The following EPYC variants were observed in gnomAD, a reference collection of about 807,000 sequenced individuals.
EPYC encodes dermatan sulfate proteoglycan 3.
Under a neutral mutation model 30.1 loss-of-function variants are expected in EPYC, and 28 were observed. That is an observed-to-expected ratio of 0.93 (90% CI 0.69 to 1.28). The LOEUF (loss-of-function observed/expected upper bound fraction) is 1.28, where lower values mean the gene tolerates loss of function less well. EPYC is among the 50% of genes most tolerant of loss of function. The pLI, the probability that EPYC is intolerant of heterozygous loss-of-function variation, is 0.00. For synonymous variants in EPYC, 144 were observed against 141.4 expected (o/e 1.02, Z -0.13); for missense variants, 382 against 383.5 (o/e 1.00, Z 0.03).
chr12:90,972,528 T>C, intron 4 of EPYC: 1 of 210,360 alleles, frequency 4.8e-6, no homozygotes, highest in Admixed American at 5.6e-5. Context: ...ACTCATAATG[T>C]CATAATATGA....
At chr12:91,000,023 G>A (rs989392825) in intron 2 of EPYC, among the ~76,000 whole-genome samples, 7 of 151,922 alleles carry the variant, frequency 4.6e-5, no homozygotes, top group Middle Eastern at 3.2e-3. Flanking sequence ...TATTTTAAGT[G>A]CATTAGAGTT....
intron 2 of EPYC, among the ~76,000 whole-genome samples, chr12:90,981,390 T>G (rs755686309): frequency 6.6e-6 from 1 of 152,172 alleles, no homozygotes; most frequent in Non-Finnish European, 1.5e-5. Flanking sequence ...ATTACATTTA[T>G]TGTATCAGAT....
chr12:90,996,982 A>G (rs1036683870), intron 2 of EPYC, among the ~76,000 whole-genome samples: 23 of 152,074 alleles, frequency 1.5e-4, no homozygotes, highest in Non-Finnish European at 3.1e-4. Context: ...AGACTGAGAC[A>G]AAAATTGGGC....
chr12:91,001,761 T>C (rs963848364), intron 2 of EPYC, among the ~76,000 whole-genome samples: 1 of 152,144 alleles, frequency 6.6e-6, no homozygotes, highest in African/African-American at 2.4e-5. Flanking sequence ...TTCCACATCA[T>C]TGCGTGCATA....
rs536515069 is a variant in EPYC at position 90,966,530 on chromosome 12, G to A, written c.799-2204C>T. On this transcript the variant is annotated intron_variant, in intron 6 of 6. Transcript: ENST00000261172. ...TCTTTTCTATATGTTGGTGAATTCC[G>A]TTTGTTGTGTTTTGTTGAGGCGATT... Among the ~76,000 whole-genome samples, 290 of 152,032 alleles carry A rather than the reference G, an allele frequency of 1.9e-3. 1 individual carries two copies. The highest frequency in any genetic ancestry group is 7.5e-3 in the Admixed American group (114 of 15,282).
intron 2 of EPYC, among the ~76,000 whole-genome samples, chr12:90,988,316 T>G (rs1317791677): frequency 5.3e-5 from 8 of 152,134 alleles, no homozygotes; most frequent in Admixed American, 5.2e-4. Flanking sequence ...CTCTAGCTGA[T>G]TAGTGATGAC....
chr12:90,968,606 G>C lies in EPYC; in HGVS notation c.798+1438C>G, dbSNP rs1273331847. Among the ~76,000 whole-genome samples the C allele has an allele frequency of 3.9e-5, 6 of 152,108 alleles. 1 individual carries two copies. Among genetic ancestry groups the C allele is most frequent in the Admixed American group, 2.0e-4 (3 of 15,256 alleles). On this transcript the variant is annotated intron_variant, in intron 6 of 6. Coordinates refer to ENST00000261172, the MANE Select transcript of EPYC (RefSeq NM_004950.5). ...ACAGTGACGGAGAAAAAAATTTTAA[G>C]TTGCACTTATTGACTTTCAAAGCTT...
At chr12:90,997,500 C>G (rs79604003) in intron 2 of EPYC, among the ~76,000 whole-genome samples, 1 of 152,010 alleles carries the variant, frequency 6.6e-6, no homozygotes, top group African/African-American at 2.4e-5. Flanking sequence ...CCAACCTAAG[C>G]AAAATGAAAT....
At position 90,990,314 on chromosome 12, in the gene EPYC, A is replaced by C. The variant is rs183937630; in HGVS notation, c.166-12052T>G. Among the ~76,000 whole-genome samples, 10 of 152,248 alleles carry C rather than the reference A, an allele frequency of 6.6e-5. No homozygotes were observed. The East Asian group carries it at 9.6e-4, about 15-fold the overall frequency. On this transcript the variant is annotated intron_variant, in intron 2 of 6. Transcript: ENST00000261172. ...CTTTGGATAAAACTAGTATTTATAC[A>C]TAATGACAATGATAATGATGATGCA...
intron 2 of EPYC, among the ~76,000 whole-genome samples, chr12:90,989,443 A>C (rs1456288180): frequency 6.6e-6 from 1 of 152,086 alleles, no homozygotes; most frequent in Non-Finnish European, 1.5e-5. Flanking sequence ...TGGCCTTTTG[A>C]TTACACCAAA....
chr12:90,976,437 A>T (rs540820708), intron 3 of EPYC, among the ~76,000 whole-genome samples: 53 of 152,100 alleles, frequency 3.5e-4, no homozygotes, highest in African/African-American at 1.3e-3. Context: ...TTATTATCCC[A>T]TTTTTTTAGA....
At chr12:91,003,808 A>G (rs1433635505) in intron 1 of EPYC, among the ~76,000 whole-genome samples, 1 of 152,140 alleles carries the variant, frequency 6.6e-6, no homozygotes, top group Non-Finnish European at 1.5e-5. Context: ...GATAAATATT[A>G]CTTTTAAACT....
intron 2 of EPYC, among the ~76,000 whole-genome samples, chr12:90,990,828 T>C (rs1353400462): frequency 6.6e-6 from 1 of 152,158 alleles, no homozygotes; most frequent in East Asian, 1.9e-4. Flanking sequence ...AGATGACTGC[T>C]GAATAGTGAT....
chr12:90,968,457 A>G (rs1049445998), intron 6 of EPYC, among the ~76,000 whole-genome samples: 8 of 152,340 alleles, frequency 5.3e-5, no homozygotes, highest in African/African-American at 1.9e-4. Flanking sequence ...TAACTGCTAT[A>G]CTACATGTTG....
rs767681160 is a variant in EPYC, at chr12:90,970,087, A to G, written c.755T>C (p.Ile252Thr). The change falls in exon 6 of 7, where the codon ATC becomes ACC. Residue 252 changes from isoleucine (I) to threonine (T), a missense_variant. Transcript: ENST00000261172. ...LYLTDNNLDH[I>T]PLPLPENLRA... The stretch of plus-strand genomic sequence containing the variant: ...TAGATTTTCTGGGAGTGGCAGAGGG[A>G]TGTGGTCCAAGTTGTTATCAGTGAG... 5.6e-6 allele frequency: 9 copies of G among 1,613,900 alleles called. No homozygotes were observed. In the African/African-American group the frequency reaches 9.3e-5, roughly 17 times the overall value.
chr12:90,994,821 A>G (rs1877661370), intron 2 of EPYC, among the ~76,000 whole-genome samples: 1 of 152,122 alleles, frequency 6.6e-6, no homozygotes, highest in South Asian at 2.1e-4. Context: ...GAAATCCAGA[A>G]TATTTGGACT....
chr12:90,989,029 G>A (rs1447891605), intron 2 of EPYC, among the ~76,000 whole-genome samples: 1 of 152,026 alleles, frequency 6.6e-6, no homozygotes, highest in Non-Finnish European at 1.5e-5. Context: ...ATAGGTTAAA[G>A]TTTCATTCTG....
At position 90,972,897 on chromosome 12, in the gene EPYC, G is replaced by T. The variant is rs1308057817; in HGVS notation, c.424C>A (p.Pro142Thr). The part of the protein sequence containing the change: ...DHELDAIPPL[P>T]KNTAYFYSRF... Reference sequence around the variant, plus strand: ...GAATAGAAATAAGCGGTGTTCTTTGGCAGCGGAGGAATAGCATCAAGTTCA... The same window carrying T: ...GAATAGAAATAAGCGGTGTTCTTTGTCAGCGGAGGAATAGCATCAAGTTCA... Residue 142 changes from proline to threonine, a missense_variant, in exon 4 of 7, where the codon CCA becomes ACA. Pro to Thr is a conservative substitution (Grantham distance 38). Coordinates refer to ENST00000261172, the MANE Select transcript of EPYC (RefSeq NM_004950.5). 1.9e-6 allele frequency: 3 copies of T among 1,613,026 alleles called. No homozygotes were observed. Among genetic ancestry groups the T allele is most frequent in the Non-Finnish European group, 2.5e-6 (3 of 1,179,222 alleles).
chr12:90,964,348 T>G, intron 6 of EPYC, 22 bp from the exon 7 acceptor site: 1 of 1,549,048 alleles, frequency 6.5e-7, no homozygotes, highest in Admixed American at 1.7e-5. Context: ...GAAAATAAAT[T>G]ATGACAAGAT....
Sources: gnomAD v4.1 joint callset for allele counts (sites outside exome capture counted in the v4.1 genomes callset) on GRCh38, gnomAD v4.1.1 for gene constraint, MANE v1.5 for transcripts, NCBI Gene and HGNC (gene_info 2026-07-23, HGNC 2026-07-21) for gene names.